Variants in FOXO1 observed in about 807,000 individuals in gnomAD.
FOXO1 encodes forkhead box O1, also known as forkhead box protein O1.
In FOXO1, 6 loss-of-function variants were observed where a neutral mutation model predicts 44.1. That is an observed-to-expected ratio of 0.14 (90% confidence interval 0.07 to 0.27). FOXO1 has a LOEUF of 0.27. Ranked by LOEUF, FOXO1 falls within the 10% of genes least tolerant of loss-of-function variation. FOXO1 has a pLI of 1.00. For synonymous variants in FOXO1, 380 were observed against 362.7 expected, an observed-to-expected ratio of 1.05 and a Z score of -0.54; for missense variants, 737 against 888.8, an observed-to-expected ratio of 0.83 and a Z score of 2.17.
chr13:40,652,710 T>C (rs1877725105), intron 1 of FOXO1, among the ~76,000 whole-genome samples: 2 of 152,178 alleles, frequency 1.3e-5, no homozygotes, highest in African/African-American at 4.8e-5. Flanking sequence ...AAAATCCACA[T>C]TGTGACCGTT....
intron 1 of FOXO1, among the ~76,000 whole-genome samples, chr13:40,579,193 G>C (rs577802900): frequency 1.8e-4 from 27 of 152,146 alleles, no homozygotes; most frequent in Non-Finnish European, 3.1e-4. Context: ...AGAAGGAGGG[G>C]CTCTCACTGA....
At chr13:40,630,178 A>C (rs1876914005) in intron 1 of FOXO1, among the ~76,000 whole-genome samples, 1 of 152,174 alleles carries the variant, frequency 6.6e-6, no homozygotes, top group Non-Finnish European at 1.5e-5. Flanking sequence ...TTGTTCTAGG[A>C]ATTCAAGTCC....
chr13:40,568,898 G>C (rs1403723026), intron 1 of FOXO1, among the ~76,000 whole-genome samples: 1 of 150,624 alleles, frequency 6.6e-6, no homozygotes, highest in Non-Finnish European at 1.5e-5. Flanking sequence ...ACAAAGTTCA[G>C]AGAGATTACA....
At chr13:40,653,033 A>C (rs1253788193) in intron 1 of FOXO1, among the ~76,000 whole-genome samples, 3 of 151,994 alleles carry the variant, frequency 2.0e-5, no homozygotes, top group South Asian at 4.2e-4. Context: ...GCAGTGGCAC[A>C]ATCTCGGCTC....
chr13:40,659,314 C>CAA (rs1210028542), intron 1 of FOXO1, among the ~76,000 whole-genome samples: 29,466 of 87,082 alleles, frequency 0.34, 3,950 homozygotes, highest in South Asian at 0.41. Flanking sequence ...GACTCCGTCT[C>CAA]AAAAAAAAAA....
At chr13:40,587,555 G>A (rs1185731195) in intron 1 of FOXO1, among the ~76,000 whole-genome samples, 4 of 152,152 alleles carry the variant, frequency 2.6e-5, no homozygotes, top group African/African-American at 9.7e-5. Flanking sequence ...AAAGACTCAA[G>A]GACAGAGAGA....
At chr13:40,594,918 C>T (rs1277662120) in intron 1 of FOXO1, among the ~76,000 whole-genome samples, 1 of 152,160 alleles carries the variant, frequency 6.6e-6, no homozygotes, top group Admixed American at 6.5e-5. Context: ...AACTTCTGGG[C>T]TCAAGCGACC....
chr13:40,649,573 AGTAGG>A (rs1877613514), intron 1 of FOXO1, among the ~76,000 whole-genome samples: 1 of 152,240 alleles, frequency 6.6e-6, no homozygotes, highest in Non-Finnish European at 1.5e-5. Flanking sequence ...GAAATTATTA[AGTAGG>A]GTCCTCCTAT....
chr13:40,665,364 A>G (rs1246900632), intron 1 of FOXO1, among the ~76,000 whole-genome samples: 1 of 151,886 alleles, frequency 6.6e-6, no homozygotes, highest in Non-Finnish European at 1.5e-5. Flanking sequence ...CGAGCCCCTT[A>G]CCGCGTCCCA....
At chr13:40,627,762 G>A (rs998272403) in intron 1 of FOXO1, among the ~76,000 whole-genome samples, 2 of 151,918 alleles carry the variant, frequency 1.3e-5, no homozygotes, top group Admixed American at 1.3e-4. Context: ...GAACCCGGGA[G>A]GCAGAGGTTG....
chr13:40,567,767 AGACCAGCCT>A (rs1462921841), intron 1 of FOXO1, among the ~76,000 whole-genome samples: 1 of 152,106 alleles, frequency 6.6e-6, no homozygotes, highest in African/African-American at 2.4e-5. Flanking sequence ...CAGGAGTTCG[AGACCAGCCT>A]GGGCAATATG....
At chr13:40,559,145 C>A (rs1873878495) in intron 2 of FOXO1, 111 bp from the exon 3 acceptor site, 2 of 401,600 alleles carry the variant, frequency 5.0e-6, no homozygotes, top group South Asian at 1.2e-4. Flanking sequence ...TACTTAGGGG[C>A]AAAAAGCTAG....
intron 1 of FOXO1, among the ~76,000 whole-genome samples, chr13:40,621,725 T>G (rs1876623669): frequency 6.6e-6 from 1 of 152,234 alleles, no homozygotes; most frequent in South Asian, 2.1e-4. Context: ...GGCTTAGTAT[T>G]TATGTCTAGA....
At chr13:40,662,339 C>T (rs552088882) in intron 1 of FOXO1, among the ~76,000 whole-genome samples, 12 of 151,820 alleles carry the variant, frequency 7.9e-5, no homozygotes, top group Admixed American at 2.6e-4. Flanking sequence ...TCAAAACTGC[C>T]ATTTATTAAA....
intron 1 of FOXO1, among the ~76,000 whole-genome samples, chr13:40,592,240 T>C (rs1353465815): frequency 2.6e-5 from 4 of 152,122 alleles, no homozygotes; most frequent in African/African-American, 9.7e-5. Context: ...TCTCCAGCAC[T>C]CCGCTTACTA....
intron 1 of FOXO1, among the ~76,000 whole-genome samples, chr13:40,649,855 G>C (rs1426258480): frequency 1.3e-5 from 2 of 151,994 alleles, no homozygotes; most frequent in Non-Finnish European, 2.9e-5. Context: ...CTCTAGTTCA[G>C]AATAAAGCAA....
chr13:40,578,370 T>C (rs1026619851), intron 1 of FOXO1, among the ~76,000 whole-genome samples: 14 of 152,206 alleles, frequency 9.2e-5, no homozygotes, highest in African/African-American at 3.4e-4. Context: ...TTGTGCATTC[T>C]GGTTAAATTC....
At chr13:40,637,601 T>G (rs546103637) in intron 1 of FOXO1, among the ~76,000 whole-genome samples, 22 of 152,284 alleles carry the variant, frequency 1.4e-4, no homozygotes, top group African/African-American at 5.3e-4. Flanking sequence ...ACCAAAGTAA[T>G]GATAATAATA....
intron 1 of FOXO1, among the ~76,000 whole-genome samples, chr13:40,616,995 G>C (rs1165449675): frequency 1.3e-5 from 2 of 152,064 alleles, no homozygotes; most frequent in African/African-American, 4.8e-5. Flanking sequence ...TACAAAACCT[G>C]CCCACACCCG....
Sources: gnomAD v4.1 joint callset for allele counts (sites outside exome capture counted in the v4.1 genomes callset) on GRCh38, gnomAD v4.1.1 for gene constraint, MANE v1.5 for transcripts, NCBI Gene and HGNC (gene_info 2026-07-23, HGNC 2026-07-21) for gene names.